Variants in ABRAXAS1 observed in about 807,000 individuals in gnomAD.
ABRAXAS1 encodes BRCA1-A complex subunit Abraxas 1.
Under a neutral mutation model 38.4 loss-of-function variants are expected in ABRAXAS1, and 26 were observed. The ratio of observed to expected loss-of-function variants is 0.68; its 90% CI spans 0.50 to 0.94. ABRAXAS1 has a LOEUF of 0.94. ABRAXAS1 is among the 40% of genes least tolerant of loss of function. The pLI is 0.00. For synonymous variants in ABRAXAS1, 144 were observed against 165.5 expected (o/e 0.87, Z 1.00); for missense variants, 438 against 481.9 (o/e 0.91, Z 0.85).
At chr4:83,477,598 AT>A (rs1722825738) in intron 2 of ABRAXAS1, 2 of 494,962 alleles carry the variant, frequency 4.0e-6, no homozygotes, top group Non-Finnish European at 7.9e-6. Flanking sequence ...CCTTGCCTCT[AT>A]CACTGCTGAG....
At position 83,461,181 on chromosome 4, in the gene ABRAXAS1, T is replaced by TTC. The variant is rs1167042711; in HGVS notation, c.*1287_*1288insGA. On this transcript the variant is annotated 3_prime_UTR_variant, in exon 9 of 9. Coordinates refer to ENST00000321945, the MANE Select transcript of ABRAXAS1 (RefSeq NM_139076.3). The stretch of plus-strand genomic sequence containing the variant: ...CTCAAGGACCCTAAAGTTTGTAACA[T>TTC]CAGATATCGGGAATAAATTCTATCA... The TTC allele has an allele frequency of 6.2e-6, 10 of 1,612,286 alleles. No homozygotes were observed. Among genetic ancestry groups the TTC allele is most frequent in the Non-Finnish European group, 8.5e-7 (1 of 1,179,504 alleles).
At position 83,459,764 on chromosome 4, in the gene ABRAXAS1, T is replaced by C; in HGVS notation, c.*2705A>G. The C allele has an allele frequency of 6.2e-7, 1 of 1,611,078 alleles. No homozygotes were observed. Among genetic ancestry groups the C allele is most frequent in the South Asian group, 1.1e-5 (1 of 90,436 alleles). Reference sequence around the variant, plus strand: ...GCTTTTGTCCCAGTTTGTTTCTCCATTTACTGGATGCATTTATGGAAGGCA... The same window carrying C: ...GCTTTTGTCCCAGTTTGTTTCTCCACTTACTGGATGCATTTATGGAAGGCA... On this transcript the variant is annotated 3_prime_UTR_variant, in exon 9 of 9. Coordinates refer to ENST00000321945, the MANE Select transcript of ABRAXAS1 (RefSeq NM_139076.3).
intron 1 of ABRAXAS1, among the ~76,000 whole-genome samples, chr4:83,483,387 C>T (rs1259097994): frequency 6.6e-6 from 1 of 151,250 alleles, no homozygotes; most frequent in East Asian, 1.9e-4. Context: ...CTCAAACAAT[C>T]CTGCTGCCTC....
chr4:83,464,304 G>C (rs577525428), intron 7 of ABRAXAS1, among the ~76,000 whole-genome samples: 1 of 152,192 alleles, frequency 6.6e-6, no homozygotes, highest in African/African-American at 2.4e-5. Context: ...TTACTATTAC[G>C]AAAGGATACT....
At chr4:83,480,376 CA>C in intron 2 of ABRAXAS1, 1 of 426,584 alleles carries the variant, frequency 2.3e-6, no homozygotes, top group Admixed American at 2.7e-5. Flanking sequence ...CATCTCAAAA[CA>C]AAAACAAAAT....
intron 7 of ABRAXAS1, among the ~76,000 whole-genome samples, chr4:83,466,520 C>T (rs1290207564): frequency 6.6e-6 from 1 of 150,962 alleles, no homozygotes; most frequent in Non-Finnish European, 1.5e-5. Context: ...GTTTTAAGAG[C>T]TGTTGTGAAT....
intron 7 of ABRAXAS1, among the ~76,000 whole-genome samples, chr4:83,464,738 G>A (rs1722284259): frequency 6.6e-6 from 1 of 152,200 alleles, no homozygotes; most frequent in Non-Finnish European, 1.5e-5. Context: ...CCAATTGGCA[G>A]ATCTTATGCT....
chr4:83,477,007 T>C (rs1560577821), intron 2 of ABRAXAS1, among the ~76,000 whole-genome samples: 1 of 152,212 alleles, frequency 6.6e-6, no homozygotes. Flanking sequence ...TTGTCACATT[T>C]TCACCGAGTT....
intron 3 of ABRAXAS1, among the ~76,000 whole-genome samples, chr4:83,473,423 G>A (rs543192694): frequency 9.2e-5 from 14 of 152,184 alleles, no homozygotes; most frequent in Admixed American, 8.5e-4. Flanking sequence ...AGTATATTAG[G>A]GTAAGATTAG....
Position 83,484,137 on chromosome 4 carries a change from G to A in ABRAXAS1, c.87+849C>T, listed in dbSNP as rs111623334. ...CCCGCCTCGGCTTCCCAAAGGGCTG[G>A]AATTACAGGCGTGAGCCACCGCGCC... On this transcript the variant is annotated intron_variant, in intron 1 of 8. Coordinates refer to ENST00000321945, the MANE Select transcript of ABRAXAS1 (RefSeq NM_139076.3). 930 of 966,596 alleles carry A rather than the reference G, an allele frequency of 9.6e-4. No individual in the cohort carries two copies. The Middle Eastern group carries it at 0.011, about 11-fold the overall frequency. 59.9% of individuals were successfully genotyped at this position (966,596 alleles called of 1,614,324 possible).
intron 2 of ABRAXAS1, chr4:83,477,744 G>T: frequency 1.5e-6 from 1 of 659,320 alleles, no homozygotes; most frequent in Non-Finnish European, 2.9e-6. Flanking sequence ...AAAGCGGAAG[G>T]TGTATTGGCT....
At chr4:83,464,722 A>G (rs1266391816) in intron 7 of ABRAXAS1, among the ~76,000 whole-genome samples, 1 of 152,230 alleles carries the variant, frequency 6.6e-6, no homozygotes, top group Admixed American at 6.5e-5. Flanking sequence ...TGGAGGTATT[A>G]CATAGCCAAT....
chr4:83,467,232 A>G (rs1216464106), intron 7 of ABRAXAS1: 1 of 385,902 alleles, frequency 2.6e-6, no homozygotes, highest in Non-Finnish European at 4.6e-6. Flanking sequence ...TTTCCCTATG[A>G]AAACTAAAAA....
At position 83,482,199 on chromosome 4, in the gene ABRAXAS1, T is replaced by G; in HGVS notation, c.133A>C (p.Ile45Leu). ...GEVKGEAKNS[I>L]TDSQMDDVEV... ...ACATCATCCATTTGGGAATCAGTAA[T>G]GCTGTTCTTGGCTTCACCTTTTACT... Residue 45 changes from isoleucine to leucine, a missense_variant, in exon 2 of 9, where the codon ATT becomes CTT. Physicochemically the swap from Ile to Leu is conservative, Grantham distance 5. Coordinates refer to ENST00000321945, the MANE Select transcript of ABRAXAS1 (RefSeq NM_139076.3). 2 of 1,612,720 alleles carry G rather than the reference T, an allele frequency of 1.2e-6. No homozygotes were observed. Among genetic ancestry groups the G allele is most frequent in the Non-Finnish European group, 1.7e-6 (2 of 1,179,610 alleles).
chr4:83,466,989 T>A (rs1330198545), intron 7 of ABRAXAS1: 1 of 155,494 alleles, frequency 6.4e-6, no homozygotes, highest in Non-Finnish European at 1.4e-5. Context: ...CCATAGTTGT[T>A]GTAAGCCACT....
chr4:83,483,586 A>G (rs143795371), intron 1 of ABRAXAS1, among the ~76,000 whole-genome samples: 4 of 152,280 alleles, frequency 2.6e-5, no homozygotes, highest in African/African-American at 9.6e-5. Flanking sequence ...TTTATAATTA[A>G]TAATGCTTTT....
chr4:83,461,085 T>A lies in ABRAXAS1; in HGVS notation c.*1384A>T, dbSNP rs1253521207. 1.9e-6 allele frequency: 3 copies of A among 1,612,920 alleles called. No individual in the cohort carries two copies. The highest frequency in any genetic ancestry group is 2.5e-6 in the Non-Finnish European group (3 of 1,179,184). The stretch of plus-strand genomic sequence containing the variant: ...TTGAGCTAGCTGAAATTTTGCTCAT[T>A]ATGTTTTGTCAAGAACTTTAATTAT... On this transcript the variant is annotated 3_prime_UTR_variant, in exon 9 of 9. Transcript: ENST00000321945.
intron 3 of ABRAXAS1, among the ~76,000 whole-genome samples, chr4:83,473,882 A>G (rs898619715): frequency 1.3e-5 from 2 of 151,578 alleles, no homozygotes; most frequent in Non-Finnish European, 2.9e-5. Flanking sequence ...CCTTAATCCC[A>G]GCACTTTGGG....
chr4:83,469,316 GTTTTTTT>G lies in ABRAXAS1; in HGVS notation c.477-172_477-166del, dbSNP rs148107040. ...TAGAATTTACTGACTTGAAACAACT[GTTTTTTT>G]TTTTTTTTGAGACAGGGTCTCACTC... On this transcript the variant is annotated intron_variant, in intron 5 of 8. Coordinates refer to ENST00000321945, the MANE Select transcript of ABRAXAS1 (RefSeq NM_139076.3). 3 of 474,170 alleles carry G rather than the reference GTTTTTTT, an allele frequency of 6.3e-6. No homozygotes were observed. The African/African-American group carries it at 6.4e-5, about 10-fold the overall frequency. 29.4% of individuals were successfully genotyped at this position (474,170 alleles called of 1,614,324 possible).
Sources: allele counts gnomAD v4.1 joint callset (sites outside exome capture counted in the v4.1 genomes callset), GRCh38; gene constraint gnomAD v4.1.1; transcripts MANE v1.5; gene names NCBI Gene and HGNC (gene_info 2026-07-23, HGNC 2026-07-21).